CTNNA2: variants seen among roughly 807,000 people sequenced by gnomAD.
CTNNA2 encodes catenin alpha-2.
Under a neutral mutation model 101.0 loss-of-function variants are expected in CTNNA2, and 42 were observed. That is an observed-to-expected ratio of 0.42 (90% CI 0.32 to 0.54). The LOEUF (loss-of-function observed/expected upper bound fraction) is 0.54, where lower values mean the gene tolerates loss of function less well. Among genes scored for constraint, CTNNA2 ranks in the 20% least tolerant of loss-of-function variants. The pLI is 0.14. For synonymous variants in CTNNA2, 450 were observed against 456.4 expected, an observed-to-expected ratio of 0.99 and a Z score of 0.18; for missense variants, 871 against 1,223.1, an observed-to-expected ratio of 0.71 and a Z score of 4.29.
intron 2 of CTNNA2, among the ~76,000 whole-genome samples, chr2:79,730,839 A>G (rs1687151943): frequency 6.6e-6 from 1 of 151,982 alleles, no homozygotes; most frequent in African/African-American, 2.4e-5. Context: ...GAGAGAGACA[A>G]AGGGAGACCA....
intron 7 of CTNNA2, among the ~76,000 whole-genome samples, chr2:80,298,022 TTTATATA>T (rs899243617): frequency 1.1e-4 from 17 of 151,224 alleles, no homozygotes; most frequent in African/African-American, 3.6e-4. Flanking sequence ...ACTATGTGGT[TTTATATA>T]TTATATATTA....
chr2:79,873,880 T>A (rs200008352), intron 5 of CTNNA2, among the ~76,000 whole-genome samples, 196 bp from the exon 6 acceptor site: 2 of 151,906 alleles, frequency 1.3e-5, no homozygotes, highest in African/African-American at 4.8e-5. Context: ...CCAACCTAGG[T>A]CACTATAGAG....
chr2:80,449,325 AC>A (rs1683311854), intron 9 of CTNNA2, among the ~76,000 whole-genome samples: 1 of 151,680 alleles, frequency 6.6e-6, no homozygotes, highest in African/African-American at 2.4e-5. Context: ...ATAAATAAAT[AC>A]ACTAAATAAA....
chr2:79,374,658 G>C (rs997993741), intron 4 of CTNNA2, among the ~76,000 whole-genome samples: 5 of 152,030 alleles, frequency 3.3e-5, no homozygotes, highest in Admixed American at 6.6e-5. Context: ...TGATATTTTA[G>C]TGGAAATTTG....
intron 6 of CTNNA2, among the ~76,000 whole-genome samples, chr2:79,887,205 C>A (rs1683950591): frequency 6.6e-6 from 1 of 152,190 alleles, no homozygotes; most frequent in East Asian, 1.9e-4. Context: ...AGTAGGGAGA[C>A]AGATAAGCGT....
intron 3 of CTNNA2, among the ~76,000 whole-genome samples, chr2:79,754,214 C>T (rs1373713564): frequency 6.6e-6 from 1 of 152,064 alleles, no homozygotes; most frequent in Non-Finnish European, 1.5e-5. Flanking sequence ...TAAATGATGA[C>T]CAATGGGCTA....
At chr2:80,550,407 T>A (rs565224409) in intron 11 of CTNNA2, among the ~76,000 whole-genome samples, 1 of 152,162 alleles carries the variant, frequency 6.6e-6, no homozygotes, top group African/African-American at 2.4e-5. Context: ...TGAAGTAAGA[T>A]AACAATGAAG....
intron 7 of CTNNA2, among the ~76,000 whole-genome samples, chr2:79,941,387 T>A (rs1036096560): frequency 1.3e-5 from 2 of 152,182 alleles, no homozygotes; most frequent in African/African-American, 4.8e-5. Flanking sequence ...TGCAGAGTGC[T>A]CCAGCAGCAA....
chr2:79,552,284 A>C (rs543313497), intron 1 of CTNNA2, among the ~76,000 whole-genome samples: 5 of 152,072 alleles, frequency 3.3e-5, no homozygotes, highest in African/African-American at 1.2e-4. Flanking sequence ...AAAAGCTCCA[A>C]AGTAATCTCC....
At chr2:79,936,564 A>G (rs1357645865) in intron 7 of CTNNA2, among the ~76,000 whole-genome samples, 4 of 149,652 alleles carry the variant, frequency 2.7e-5, no homozygotes, top group African/African-American at 7.4e-5. Context: ...TTTTCCTAGC[A>G]TCTTTCAACC....
chr2:79,335,822 T>C (rs1676982132), intron 3 of CTNNA2, among the ~76,000 whole-genome samples: 1 of 152,206 alleles, frequency 6.6e-6, no homozygotes, highest in Admixed American at 6.5e-5. Context: ...AAGTAAATTC[T>C]ATATATCCTT....
intron 3 of CTNNA2, among the ~76,000 whole-genome samples, chr2:79,819,240 A>C (rs1454792417): frequency 6.6e-6 from 1 of 152,048 alleles, no homozygotes; most frequent in South Asian, 2.1e-4. Flanking sequence ...TGGCCTCCCA[A>C]AGTGCTGGGA....
In CTNNA2 at chr2:79,891,610, C is replaced by T. The variant is rs1684311857; in HGVS notation, c.852+17268C>T. On this transcript the variant is annotated intron_variant, in intron 6 of 18. Transcript: ENST00000402739. ...GCCACCAACCCCCAGAGTGTGGCAG[C>T]CCTTTGGCCAGTGGATGCATGCTGT... 7.2e-5 allele frequency among the ~76,000 whole-genome samples: 11 copies of T among 152,234 alleles called. No individual in the cohort carries two copies. In the South Asian group the frequency reaches 2.3e-3, roughly 32 times the overall value.
intron 18 of CTNNA2, among the ~76,000 whole-genome samples, chr2:80,636,624 A>T (rs1323255310): frequency 6.6e-6 from 1 of 152,158 alleles, no homozygotes; most frequent in African/African-American, 2.4e-5. Context: ...TATAAATGAT[A>T]TTCTTAACCA....
chr2:79,242,655 A>C (rs946371975), intron 2 of CTNNA2, among the ~76,000 whole-genome samples: 1 of 152,132 alleles, frequency 6.6e-6, no homozygotes, highest in Non-Finnish European at 1.5e-5. Context: ...TTGGAGAGCT[A>C]TTAGAATTCA....
chr2:80,525,932 T>C (rs771257303), intron 9 of CTNNA2, among the ~76,000 whole-genome samples: 8 of 152,200 alleles, frequency 5.3e-5, no homozygotes, highest in Non-Finnish European at 1.2e-4. Flanking sequence ...ATTAGGTTGG[T>C]TCAAAAGTAA....
intron 4 of CTNNA2, among the ~76,000 whole-genome samples, chr2:79,433,883 G>A (rs1449589552): frequency 1.3e-5 from 2 of 152,172 alleles, no homozygotes; most frequent in Non-Finnish European, 2.9e-5. Flanking sequence ...CATAGTAGGT[G>A]ATCATGAAAT....
At chr2:80,559,998 G>A (rs559318232) in intron 12 of CTNNA2, among the ~76,000 whole-genome samples, 2 of 145,570 alleles carry the variant, frequency 1.4e-5, no homozygotes, top group South Asian at 4.3e-4. Context: ...GCGTGACTAG[G>A]TTAAAAGATC....
intron 7 of CTNNA2, among the ~76,000 whole-genome samples, chr2:79,974,925 T>C (rs1690729956): frequency 6.6e-6 from 1 of 152,102 alleles, no homozygotes; most frequent in Non-Finnish European, 1.5e-5. Context: ...GAGGTGACTT[T>C]CCATGCAGAT....
Sources: allele counts gnomAD v4.1 joint callset (sites outside exome capture counted in the v4.1 genomes callset), GRCh38; gene constraint gnomAD v4.1.1; transcripts MANE v1.5; gene names NCBI Gene and HGNC (gene_info 2026-07-23, HGNC 2026-07-21).